TNS1: variants seen among roughly 807,000 people sequenced by gnomAD.
TNS1 encodes the protein tensin-1.
In TNS1, 62 loss-of-function variants were observed where a neutral mutation model predicts 168.6. That is an observed-to-expected ratio of 0.37 (90% CI 0.30 to 0.45). The LOEUF (loss-of-function observed/expected upper bound fraction) is 0.45, where lower values mean the gene tolerates loss of function less well. TNS1 is among the 20% of genes least tolerant of loss of function. TNS1 has a pLI of 1.00. For synonymous variants in TNS1, 934 were observed against 933.2 expected (o/e 1.00, Z -0.02); for missense variants, 2,240 against 2,339.4 (o/e 0.96, Z 0.88).
At chr2:218,003,567 T>A (rs1236599417), upstream of TNS1, among the ~76,000 whole-genome samples, 1 of 151,972 alleles carries the variant, frequency 6.6e-6, no homozygotes, top group African/African-American at 2.4e-5. Flanking sequence ...GGCCCGAGAC[T>A]GGGGAAGAAT....
chr2:218,030,851 C>G (rs1225016832), intron 1 of TNS1, among the ~76,000 whole-genome samples: 2 of 152,120 alleles, frequency 1.3e-5, no homozygotes, highest in African/African-American at 2.4e-5. Context: ...GGCTGTGTGT[C>G]TGTGTGTGTC....
At chr2:218,021,559 C>T (rs567296384) in intron 1 of TNS1, among the ~76,000 whole-genome samples, 3 of 152,322 alleles carry the variant, frequency 2.0e-5, no homozygotes, top group Non-Finnish European at 2.9e-5. Flanking sequence ...CACTGGGGTT[C>T]GAGTTCTGCC....
intron 19 of TNS1, chr2:217,841,237 G>A (rs1371804339): frequency 2.0e-6 from 2 of 985,116 alleles, no homozygotes; most frequent in East Asian, 1.1e-4. Context: ...GAGAGGAGGG[G>A]GCGGGAAGCT....
At chr2:217,883,076 G>T (rs1246752264) in intron 16 of TNS1, among the ~76,000 whole-genome samples, 1 of 150,922 alleles carries the variant, frequency 6.6e-6, no homozygotes, top group South Asian at 2.1e-4. Flanking sequence ...GTCTACAGGC[G>T]TGAGCCACCA....
At chr2:217,921,392 G>T (rs1955690624) in intron 3 of TNS1, among the ~76,000 whole-genome samples, 1 of 152,174 alleles carries the variant, frequency 6.6e-6, no homozygotes, top group East Asian at 1.9e-4. Flanking sequence ...TGGAGTGGTG[G>T]CAGCAAGAGC....
chr2:217,998,221 G>GTCTCTCTCTCTCTCTCTCTCTCTCTC (rs60663810), intron 1 of TNS1, among the ~76,000 whole-genome samples: 3 of 149,566 alleles, frequency 2.0e-5, no homozygotes, highest in African/African-American at 7.4e-5. Context: ...CTCCATCAGT[G>GTCTCTCTCTCTCTCTCTCTCTCTCTC]TCTCTCTCTC....
At chr2:217,867,801 T>C (rs56203324) in intron 18 of TNS1, among the ~76,000 whole-genome samples, 45,803 of 152,166 alleles carry the variant, frequency 0.3, 7,339 homozygotes, top group East Asian at 0.37. Flanking sequence ...CTTCTGTGCC[T>C]CTTTCAAGTC....
intron 3 of TNS1, among the ~76,000 whole-genome samples, chr2:217,971,855 A>T (rs1957780153): frequency 6.6e-6 from 1 of 152,246 alleles, no homozygotes; most frequent in South Asian, 2.1e-4. Context: ...CTCAGGGGCC[A>T]TTCAGCAGGC....
At position 217,848,042 on chromosome 2, in the gene TNS1, G is replaced by C. The variant is rs776138281; in HGVS notation, c.2475C>G (p.Ala825=). ...IPSLPEFPRA[A]SQQEIEQSIE... The stretch of plus-strand genomic sequence containing the variant: ...TGGACTGTTCAATCTCCTGCTGGGA[G>C]GCTGCTCGCGGGAACTCAGGGAGAC... The change falls in exon 19 of 33, where the codon GCC becomes GCG. Residue 825 remains alanine (A), a synonymous_variant. Transcript: ENST00000682258. 1 of 1,527,204 alleles carries C rather than the reference G, an allele frequency of 6.5e-7. No homozygotes were observed. Among genetic ancestry groups the C allele is most frequent in the East Asian group, 2.3e-5 (1 of 44,094 alleles). The allele number at this position is 1,527,204 out of a possible 1,614,324, so 94.6% of individuals were successfully genotyped here. A position where few individuals can be genotyped will look rare whatever the true frequency, so the allele number is the denominator to read the frequency against.
chr2:217,925,971 C>A lies in TNS1; in HGVS notation c.187-5735G>T, dbSNP rs139769811. 4.4e-3 allele frequency among the ~76,000 whole-genome samples: 676 copies of A among 152,290 alleles called. 16 individuals are homozygous for A. The highest frequency in any genetic ancestry group is 2.4e-3 in the Non-Finnish European group (161 of 68,036). ...CCTCCTTCATATATTAAAGTCCTAACCCTCAGTAGCCTCAGAATGTGACTG... is the reference window on the plus strand; with the variant it reads ...CCTCCTTCATATATTAAAGTCCTAAACCTCAGTAGCCTCAGAATGTGACTG... On this transcript the variant is annotated intron_variant, in intron 3 of 32. Transcript: ENST00000682258.
In TNS1 at chr2:218,017,933, C is replaced by T. The variant is rs73080380; in HGVS notation, c.156+15887G>A. 4.0e-3 allele frequency among the ~76,000 whole-genome samples: 615 copies of T among 152,312 alleles called. 2 individuals are homozygous for T. Among genetic ancestry groups the T allele is most frequent in the African/African-American group, 0.014 (571 of 41,562 alleles). On this transcript the variant is annotated intron_variant, in intron 1 of 1. Coordinates refer to the TNS1 transcript ENST00000649572. ...CACTGTCTGGAACACACAGTTCACACCACTGTCCAGGGAATGAACGCCTGA... is the reference window on the plus strand; with the variant it reads ...CACTGTCTGGAACACACAGTTCACATCACTGTCCAGGGAATGAACGCCTGA...
chr2:217,914,421 C>G (rs3828282), intron 4 of TNS1, among the ~76,000 whole-genome samples: 73,928 of 152,124 alleles, frequency 0.49, 19,299 homozygotes, highest in East Asian at 0.63. Context: ...AGGACTTCTA[C>G]CCAGGCAGCT....
In TNS1 at chr2:217,897,866, C is replaced by T; in HGVS notation, c.475G>A (p.Glu159Lys). The stretch of plus-strand genomic sequence containing the variant: ...TCACGGAGGTTGCTCCGGAAGTTCT[C>T]CTCATTGGCTGTGCTGGGGAAGGAG... Reference protein sequence around the residue: ...AVSFPSTANEENFRSNLREVA... With the variant: ...AVSFPSTANEKNFRSNLREVA... The change falls in exon 8 of 33, where the codon GAG (glutamate) becomes AAG (lysine). Residue 159 changes from glutamate to lysine, a missense_variant. Coordinates refer to ENST00000682258, the MANE Select transcript of TNS1 (RefSeq NM_001387777.1). 6.2e-7 allele frequency: 1 copy of T among 1,613,734 alleles called. No individual in the cohort carries two copies. Among genetic ancestry groups the T allele is most frequent in the Non-Finnish European group, 8.5e-7 (1 of 1,179,816 alleles).
At position 217,803,103 on chromosome 2, in the gene TNS1, G is replaced by C. The variant is rs1041019704; in HGVS notation, c.*1356C>G. 1 of 152,404 alleles carries C rather than the reference G, an allele frequency of 6.6e-6. No individual in the cohort carries two copies. Among genetic ancestry groups the C allele is most frequent in the Non-Finnish European group, 1.5e-5 (1 of 68,110 alleles). The allele number at this position is 152,404 out of a possible 1,614,324, so 9.4% of individuals were successfully genotyped here. A position where few individuals can be genotyped will look rare whatever the true frequency, so the allele number is the denominator to read the frequency against. On this transcript the variant is annotated 3_prime_UTR_variant, in exon 33 of 33. Coordinates refer to ENST00000682258, the MANE Select transcript of TNS1 (RefSeq NM_001387777.1). Reference sequence around the variant, plus strand: ...TGAGGCTTTGGCATTGTAGGTAGGCGATGTGGTGTGCAGGCAGCAGGCCCA... The same window carrying C: ...TGAGGCTTTGGCATTGTAGGTAGGCCATGTGGTGTGCAGGCAGCAGGCCCA...
intron 22 of TNS1, among the ~76,000 whole-genome samples, chr2:217,828,158 C>T (rs1217412713): frequency 5.3e-5 from 8 of 152,174 alleles, no homozygotes; most frequent in African/African-American, 1.2e-4. Flanking sequence ...CATGAGGCTG[C>T]GGGGGAGCAA....
At chr2:218,022,504 A>G (rs1357077037) in intron 1 of TNS1, among the ~76,000 whole-genome samples, 1 of 152,082 alleles carries the variant, frequency 6.6e-6, no homozygotes, top group Non-Finnish European at 1.5e-5. Context: ...ACACACATAC[A>G]CACACACAGG....
intron 30 of TNS1, among the ~76,000 whole-genome samples, chr2:217,809,194 T>A (rs1169734395): frequency 2.4e-5 from 2 of 83,372 alleles, no homozygotes; most frequent in Non-Finnish European, 4.8e-5. Flanking sequence ...GATGGATGGA[T>A]GGATGGATGG....
chr2:217,814,004 T>G, intron 25 of TNS1, 188 bp from the exon 26 acceptor site: 1 of 593,650 alleles, frequency 1.7e-6, no homozygotes, highest in East Asian at 4.0e-5. Context: ...TGTTGGGTTT[T>G]TATGTTTGTT....
At chr2:217,997,228 A>T (rs1266904867) in intron 1 of TNS1, among the ~76,000 whole-genome samples, 7 of 152,190 alleles carry the variant, frequency 4.6e-5, no homozygotes. Flanking sequence ...ATGAACACGC[A>T]TGTTCCCTTC....
Sources: gnomAD v4.1 joint callset for allele counts (sites outside exome capture counted in the v4.1 genomes callset) on GRCh38, gnomAD v4.1.1 for gene constraint, MANE v1.5 for transcripts, NCBI Gene and HGNC (gene_info 2026-07-23, HGNC 2026-07-21) for gene names.